Variants in MKLN1 observed in about 807,000 individuals in gnomAD.
MKLN1 encodes muskelin.
A neutral mutation model predicts 99.0 loss-of-function variants in MKLN1; 18 were observed. The ratio of observed to expected loss-of-function variants is 0.18; its 90% CI spans 0.13 to 0.27. The LOEUF (loss-of-function observed/expected upper bound fraction) is 0.27, where lower values mean the gene tolerates loss of function less well. Among genes scored for constraint, MKLN1 ranks in the 10% least tolerant of loss-of-function variants. The pLI, the probability that MKLN1 is intolerant of heterozygous loss-of-function variation, is 1.00. For missense variants in MKLN1, 621 were observed against 875.9 expected (o/e 0.71, Z 3.67); for synonymous variants, 288 against 293.2 (o/e 0.98, Z 0.18).
intron 9 of MKLN1, among the ~76,000 whole-genome samples, chr7:131,437,202 C>A (rs959768920): frequency 6.6e-6 from 1 of 151,980 alleles, no homozygotes; most frequent in Non-Finnish European, 1.5e-5. Context: ...TTAGGTATTT[C>A]TCCTAATGCT....
At chr7:131,328,225 C>T (rs977570545) in intron 1 of MKLN1, 3 of 540,102 alleles carry the variant, frequency 5.6e-6, no homozygotes, top group African/African-American at 1.9e-5. Context: ...AGGTGTGTGG[C>T]GGATCCGGGG....
intron 6 of MKLN1, among the ~76,000 whole-genome samples, chr7:131,400,527 A>G (rs986572655): frequency 7.4e-5 from 11 of 148,182 alleles, no homozygotes; most frequent in South Asian, 6.3e-4. Context: ...AAATATATAT[A>G]TATATATATA....
intron 12 of MKLN1, among the ~76,000 whole-genome samples, chr7:131,455,946 T>C (rs769876087): frequency 6.6e-6 from 1 of 152,094 alleles, no homozygotes; most frequent in Admixed American, 6.5e-5. Flanking sequence ...CTCAGGAGGC[T>C]GAGGCAGGAT....
chr7:131,308,662 C>T (rs528707066), intron 3 of MKLN1, among the ~76,000 whole-genome samples: 13 of 151,604 alleles, frequency 8.6e-5, no homozygotes, highest in East Asian at 7.8e-4. Context: ...CTCAGCTCAC[C>T]GCAACGTCCA....
rs898255652 is a variant in MKLN1 at position 131,327,995 on chromosome 7, C to A, written c.96C>A (p.Pro32=). 3 of 1,613,850 alleles carry A rather than the reference C, an allele frequency of 1.9e-6. No individual in the cohort carries two copies. The highest frequency in any genetic ancestry group is 3.3e-5 in the Admixed American group (2 of 60,016). Residue 32 remains proline (P), a splice_region_variant and synonymous_variant, in exon 1 of 18, where the codon CCC becomes CCA. Transcript: ENST00000352689. The part of the protein sequence containing the change: ...KWSSFSSTYL[P]ENILVDKPND... The stretch of plus-strand genomic sequence containing the variant: ...GCTCCTTTTCCTCCACCTACCTTCC[C>A]GAGTAAGTGCCGGGCCTTGAGCTCG...
chr7:131,333,639 C>T (rs1466969619), intron 1 of MKLN1, among the ~76,000 whole-genome samples: 3 of 151,866 alleles, frequency 2.0e-5, no homozygotes, highest in Non-Finnish European at 2.9e-5. Flanking sequence ...CGGGTCCAAG[C>T]GATTCTCCTA....
At chr7:131,276,318 G>A (rs1056362188) in intron 3 of MKLN1, among the ~76,000 whole-genome samples, 1 of 152,184 alleles carries the variant, frequency 6.6e-6, no homozygotes, top group African/African-American at 2.4e-5. Flanking sequence ...TAGAGGAAGA[G>A]CGATGTGCAC....
At chr7:131,127,545 CA>C (rs1402622266) in intron 1 of MKLN1, among the ~76,000 whole-genome samples, 1 of 152,112 alleles carries the variant, frequency 6.6e-6, no homozygotes, top group African/African-American at 2.4e-5. Flanking sequence ...GGAATGGAGA[CA>C]GGGGATATGT....
intron 1 of MKLN1, among the ~76,000 whole-genome samples, chr7:131,359,738 T>TA (rs1200726722): frequency 1.3e-5 from 2 of 152,032 alleles, no homozygotes; most frequent in East Asian, 3.8e-4. Flanking sequence ...CTTTTATTTT[T>TA]TTTTTTATTT....
At chr7:131,205,318 A>G (rs983441655) in intron 3 of MKLN1, among the ~76,000 whole-genome samples, 1 of 152,208 alleles carries the variant, frequency 6.6e-6, no homozygotes, top group Non-Finnish European at 1.5e-5. Flanking sequence ...ACATTGGGAA[A>G]TAATGTAATA....
chr7:131,317,414 T>C (rs1798689291), intron 3 of MKLN1, among the ~76,000 whole-genome samples: 1 of 152,154 alleles, frequency 6.6e-6, no homozygotes. Context: ...CTGAGGGATT[T>C]TGTCACCACC....
At chr7:131,470,195 G>A (rs1201981899) in intron 15 of MKLN1, among the ~76,000 whole-genome samples, 1 of 152,064 alleles carries the variant, frequency 6.6e-6, no homozygotes, top group African/African-American at 2.4e-5. Flanking sequence ...GATAAACGAT[G>A]ATAAAATAGA....
chr7:131,482,971 G>T (rs192896880), intron 17 of MKLN1, among the ~76,000 whole-genome samples: 1 of 152,312 alleles, frequency 6.6e-6, no homozygotes, highest in East Asian at 1.9e-4. Flanking sequence ...CTAGTGAATG[G>T]CAAACCAGGA....
chr7:131,437,763 T>C, intron 9 of MKLN1, 22 bp from the exon 10 acceptor site: 1 of 1,537,678 alleles, frequency 6.5e-7, no homozygotes, highest in Non-Finnish European at 8.9e-7. Context: ...TTTATTTATT[T>C]ATTTTCTCTC....
At chr7:131,461,636 T>C (rs1796517162) in intron 12 of MKLN1, among the ~76,000 whole-genome samples, 1 of 152,312 alleles carries the variant, frequency 6.6e-6, no homozygotes, top group African/African-American at 2.4e-5. Context: ...CCAAGATCAA[T>C]ATGGCTGGCA....
At chr7:131,314,462 A>T (rs36064418) in intron 3 of MKLN1, among the ~76,000 whole-genome samples, 1 of 151,870 alleles carries the variant, frequency 6.6e-6, no homozygotes, top group African/African-American at 2.4e-5. Context: ...TCGCTCTGTC[A>T]CCCAGGCTGG....
In MKLN1 at chr7:131,488,536, T is replaced by A. The variant is rs1282479851; in HGVS notation, c.*808T>A. ...ACCTTTTTAAGAGCCATTCTAAAAG[T>A]GACCAGCAGGAGGGATCTAGTAGTG... is the stretch of plus-strand genomic sequence containing the variant. On this transcript the variant is annotated 3_prime_UTR_variant, in exon 18 of 18. Coordinates refer to ENST00000352689, the MANE Select transcript of MKLN1 (RefSeq NM_013255.5). The A allele has an allele frequency of 6.6e-6, 1 of 152,546 alleles. No homozygotes were observed. Among genetic ancestry groups the A allele is most frequent in the Non-Finnish European group, 1.5e-5 (1 of 68,006 alleles). 9.4% of individuals were successfully genotyped at this position (152,546 alleles called of 1,614,324 possible).
Position 131,476,486 on chromosome 7 carries a change from A to G in MKLN1, c.2032-2137A>G, listed in dbSNP as rs1052703818. On this transcript the variant is annotated intron_variant, in intron 16 of 17. Transcript: ENST00000352689. ...TCAATAGAAAAAAAAAGCAATTATT[A>G]GCAATTTTTATACTAGCAGTGAACA... Among the ~76,000 whole-genome samples the G allele has an allele frequency of 5.3e-5, 8 of 152,338 alleles. No homozygotes were observed. In the East Asian group the frequency reaches 9.6e-4, roughly 18 times the overall value.
At chr7:131,419,800 A>G (rs1340855177) in intron 8 of MKLN1, among the ~76,000 whole-genome samples, 1 of 152,162 alleles carries the variant, frequency 6.6e-6, no homozygotes, top group African/African-American at 2.4e-5. Flanking sequence ...GAAGAGGTGA[A>G]ATCAGAGAAA....
Sources: allele counts gnomAD v4.1 joint callset (sites outside exome capture counted in the v4.1 genomes callset), GRCh38; gene constraint gnomAD v4.1.1; transcripts MANE v1.5; gene names NCBI Gene and HGNC (gene_info 2026-07-23, HGNC 2026-07-21).